AGBL4: variants seen among roughly 807,000 people sequenced by gnomAD.
AGBL4 encodes the protein AGBL carboxypeptidase 4, also known as cytosolic carboxypeptidase 6.
Under a neutral mutation model 66.4 loss-of-function variants are expected in AGBL4, and 58 were observed. The observed-to-expected ratio is 0.87, with a 90% CI of 0.71 to 1.09. AGBL4 has a LOEUF of 1.09. AGBL4 is among the 50% of genes least tolerant of loss of function. The pLI is 0.00. For synonymous variants in AGBL4, 234 were observed against 222.9 expected (o/e 1.05, Z -0.44); for missense variants, 579 against 631.0 (o/e 0.92, Z 0.88).
chr1:48,565,085 CA>C (rs796773271), intron 11 of AGBL4, among the ~76,000 whole-genome samples: 55 of 152,310 alleles, frequency 3.6e-4, no homozygotes, highest in African/African-American at 1.3e-3. Context: ...AAGCCAATCC[CA>C]TCATACACCT....
chr1:49,696,940 GA>G (rs1488432928), intron 3 of AGBL4, among the ~76,000 whole-genome samples: 2 of 152,138 alleles, frequency 1.3e-5, no homozygotes, highest in Non-Finnish European at 2.9e-5. Context: ...AGACTTGTGA[GA>G]AATGTTTCTC....
intron 6 of AGBL4, among the ~76,000 whole-genome samples, chr1:48,771,654 A>G (rs1339485221): frequency 6.6e-6 from 1 of 152,204 alleles, no homozygotes; most frequent in Non-Finnish European, 1.5e-5. Flanking sequence ...CAAGAAAATA[A>G]ATCCTTTTGT....
chr1:49,385,113 T>C (rs1644709398), intron 3 of AGBL4, among the ~76,000 whole-genome samples: 1 of 152,034 alleles, frequency 6.6e-6, no homozygotes. Context: ...AATCAAACTC[T>C]AGAAATAGAA....
At chr1:49,948,003 T>TATATATAC (rs1655457986) in intron 1 of AGBL4, among the ~76,000 whole-genome samples, 1 of 90,094 alleles carries the variant, frequency 1.1e-5, no homozygotes, top group African/African-American at 5.9e-5. Flanking sequence ...TATATAAATA[T>TATATATAC]ATATAAATAT....
chr1:48,639,492 T>C (rs978413299), intron 8 of AGBL4, among the ~76,000 whole-genome samples: 1 of 152,198 alleles, frequency 6.6e-6, no homozygotes, highest in African/African-American at 2.4e-5. Flanking sequence ...TTCGGCTCTC[T>C]CAATATATGA....
chr1:48,779,971 C>T (rs1298960435), intron 6 of AGBL4, among the ~76,000 whole-genome samples: 2 of 152,008 alleles, frequency 1.3e-5, no homozygotes, highest in Non-Finnish European at 2.9e-5. Context: ...TCCTCGGCCT[C>T]CCAATGTGCT....
At chr1:49,802,332 C>A (rs1193482052) in intron 2 of AGBL4, among the ~76,000 whole-genome samples, 1 of 152,098 alleles carries the variant, frequency 6.6e-6, no homozygotes, top group Non-Finnish European at 1.5e-5. Context: ...CTCTTCTAGG[C>A]CTCTTTAGGG....
chr1:48,789,398 C>T (rs953568625), intron 6 of AGBL4, among the ~76,000 whole-genome samples: 1 of 151,982 alleles, frequency 6.6e-6, no homozygotes, highest in Admixed American at 6.6e-5. Flanking sequence ...ATGCCATTCT[C>T]CTGCCTCAGC....
intron 3 of AGBL4, among the ~76,000 whole-genome samples, chr1:49,276,858 C>T (rs1644178088): frequency 6.6e-6 from 1 of 152,076 alleles, no homozygotes; most frequent in African/African-American, 2.4e-5. Flanking sequence ...TCTGATTTTT[C>T]CCCATGTGCA....
chr1:49,833,218 C>T (rs538708759), intron 2 of AGBL4, among the ~76,000 whole-genome samples: 32 of 152,316 alleles, frequency 2.1e-4, no homozygotes, highest in African/African-American at 7.2e-4. Flanking sequence ...ATATGGCTAG[C>T]CAGTTTTCCA....
chr1:49,403,999 G>C lies in AGBL4; in HGVS notation c.283-158135C>G, dbSNP rs574243545. The stretch of plus-strand genomic sequence containing the variant: ...CCATTTATCTGAGTAACTTCCTTTA[G>C]TTTTCAGGTTAAAATGTAAAAATCA... On this transcript the variant is annotated intron_variant, in intron 3 of 13. Coordinates refer to ENST00000371839, the MANE Select transcript of AGBL4 (RefSeq NM_032785.4). Among the ~76,000 whole-genome samples, 13 of 152,094 alleles carry C rather than the reference G, an allele frequency of 8.5e-5. No individual in the cohort carries two copies. The Middle Eastern group carries it at 0.01, about 120-fold the overall frequency.
intron 6 of AGBL4, among the ~76,000 whole-genome samples, chr1:48,698,832 G>A (rs1248127644): frequency 1.3e-5 from 2 of 152,168 alleles, no homozygotes; most frequent in Non-Finnish European, 2.9e-5. Context: ...GAATGCTAAG[G>A]CCCAGAGAAG....
chr1:49,229,883 G>A (rs1188545301), intron 4 of AGBL4, among the ~76,000 whole-genome samples: 1 of 151,442 alleles, frequency 6.6e-6, no homozygotes, highest in Admixed American at 6.6e-5. Flanking sequence ...AGGCAGGTGT[G>A]TAGGGAAAGC....
intron 3 of AGBL4, among the ~76,000 whole-genome samples, chr1:49,261,796 T>C (rs1653198540): frequency 6.8e-6 from 1 of 147,236 alleles, no homozygotes; most frequent in Non-Finnish European, 1.5e-5. Flanking sequence ...CTTCACAGAA[T>C]TGGAAAAAAC....
intron 3 of AGBL4, among the ~76,000 whole-genome samples, chr1:49,502,317 T>C (rs1328265557): frequency 6.6e-6 from 1 of 152,158 alleles, no homozygotes; most frequent in Non-Finnish European, 1.5e-5. Context: ...ATTGTGATTG[T>C]GTGAGTCAGT....
intron 6 of AGBL4, among the ~76,000 whole-genome samples, chr1:48,853,471 T>G (rs919992158): frequency 6.6e-6 from 1 of 152,204 alleles, no homozygotes; most frequent in African/African-American, 2.4e-5. Flanking sequence ...TTATTTAAAA[T>G]CTATGGGTCA....
intron 9 of AGBL4, among the ~76,000 whole-genome samples, chr1:48,618,467 C>A (rs539802935): frequency 1.3e-5 from 2 of 152,232 alleles, no homozygotes; most frequent in South Asian, 4.2e-4. Flanking sequence ...CTGGAGCAAG[C>A]CATTGCCCTG....
At chr1:49,511,814 T>C (rs1434092974) in intron 3 of AGBL4, among the ~76,000 whole-genome samples, 1 of 151,926 alleles carries the variant, frequency 6.6e-6, no homozygotes, top group Non-Finnish European at 1.5e-5. Flanking sequence ...ACATTGTACA[T>C]GGACAGTTGA....
chr1:49,648,986 C>A (rs933859464), intron 3 of AGBL4, among the ~76,000 whole-genome samples: 2 of 152,094 alleles, frequency 1.3e-5, no homozygotes, highest in African/African-American at 4.8e-5. Context: ...ATAATACTAG[C>A]AAAAATATAT....
Sources: gnomAD v4.1 joint callset for allele counts (sites outside exome capture counted in the v4.1 genomes callset) on GRCh38, gnomAD v4.1.1 for gene constraint, MANE v1.5 for transcripts, NCBI Gene and HGNC (gene_info 2026-07-23, HGNC 2026-07-21) for gene names.